Variants in IQSEC1 observed in about 807,000 individuals in gnomAD.
The protein encoded by IQSEC1 is IQ motif and Sec7 domain ArfGEF 1.
IQSEC1 carries 31 observed loss-of-function variants against 91.0 expected under a neutral mutation model. The observed-to-expected ratio is 0.34, with a 90% CI of 0.26 to 0.46. The LOEUF (loss-of-function observed/expected upper bound fraction) is 0.46. IQSEC1 is among the 20% of genes least tolerant of loss of function. The probability of loss-of-function intolerance (pLI) is 1.00; values close to 1 mark genes in which losing one functional copy is unlikely to be tolerated. For synonymous variants in IQSEC1, 699 were observed against 662.6 expected (o/e 1.05, Z -0.84); for missense variants, 1,388 against 1,575.6 (o/e 0.88, Z 2.02).
At chr3:12,982,758 T>C (rs964240786) in intron 1 of IQSEC1, among the ~76,000 whole-genome samples, 1 of 152,212 alleles carries the variant, frequency 6.6e-6, no homozygotes, top group African/African-American at 2.4e-5. Flanking sequence ...CCCCTAGTAC[T>C]GACAGGAAAG....
At chr3:13,078,172 A>T (rs751548879), upstream of IQSEC1, among the ~76,000 whole-genome samples, 5 of 152,182 alleles carry the variant, frequency 3.3e-5, no homozygotes, top group Non-Finnish European at 7.4e-5. Flanking sequence ...TGCAGGACTC[A>T]AGAGTCCTGC....
intron 1 of IQSEC1, among the ~76,000 whole-genome samples, chr3:13,181,812 A>G (rs1383810730): frequency 6.6e-6 from 1 of 152,264 alleles, no homozygotes; most frequent in Non-Finnish European, 1.5e-5. Context: ...CTTTAAAATG[A>G]AATCTATAAT....
intron 1 of IQSEC1, among the ~76,000 whole-genome samples, chr3:13,212,932 T>C (rs1267978795): frequency 1.3e-5 from 2 of 152,246 alleles, no homozygotes; most frequent in Admixed American, 6.5e-5. Context: ...ATAAGAGCTC[T>C]TTATACATTC....
intron 2 of IQSEC1, among the ~76,000 whole-genome samples, chr3:13,162,722 T>C (rs1707199558): frequency 6.6e-6 from 1 of 152,166 alleles, no homozygotes; most frequent in African/African-American, 2.4e-5. Context: ...CACTTAATGG[T>C]ACATTCCAGA....
rs746663650 is a variant in IQSEC1, at chr3:12,920,532, T to C, written c.1918A>G (p.Ile640Val). Residue 640 changes from isoleucine (I) to valine (V), a missense_variant, in exon 6 of 14, where the codon ATC becomes GTC. Ile to Val is a conservative substitution (Grantham distance 29, BLOSUM62 3). This residue lies in a region of IQSEC1 where 1,059 missense variants were observed against 1,317.8 expected (regional missense o/e 0.80). Transcript: ENST00000613206. ...AGCAGGATGATGGCGAAGGCCAGGATGAAAATGGTGTCTGGGTTCCGGAAT... is the reference window on the plus strand; with the variant it reads ...AGCAGGATGATGGCGAAGGCCAGGACGAAAATGGTGTCTGGGTTCCGGAAT... Reference protein sequence around the residue: ...RQFRNPDTIFILAFAIILLNT... With the variant: ...RQFRNPDTIFVLAFAIILLNT... 1 of 1,614,158 alleles carries C rather than the reference T, an allele frequency of 6.2e-7. No homozygotes were observed. Among genetic ancestry groups the C allele is most frequent in the Admixed American group, 1.7e-5 (1 of 60,032 alleles).
chr3:13,174,190 G>A (rs1468455769), intron 1 of IQSEC1, among the ~76,000 whole-genome samples: 1 of 152,194 alleles, frequency 6.6e-6, no homozygotes, highest in Admixed American at 6.5e-5. Context: ...GTAAGAAGCA[G>A]GTGAGGGGAC....
At chr3:13,056,000 C>G (rs138932000) in intron 1 of IQSEC1, among the ~76,000 whole-genome samples, 1 of 151,936 alleles carries the variant, frequency 6.6e-6, no homozygotes, top group Non-Finnish European at 1.5e-5. Flanking sequence ...CTTCTGTGAC[C>G]CCCAAAGGCT....
At chr3:13,150,988 G>T (rs1250299781) in intron 2 of IQSEC1, among the ~76,000 whole-genome samples, 1 of 152,210 alleles carries the variant, frequency 6.6e-6, no homozygotes, top group Non-Finnish European at 1.5e-5. Context: ...TCCCAGGGGG[G>T]CTGCCCTCAT....
chr3:13,222,555 C>T (rs1296048558), intron 1 of IQSEC1, among the ~76,000 whole-genome samples: 3 of 152,186 alleles, frequency 2.0e-5, no homozygotes, highest in Non-Finnish European at 2.9e-5. Context: ...CACACCGTTT[C>T]CCACGGCGGC....
intron 1 of IQSEC1, among the ~76,000 whole-genome samples, chr3:13,171,944 G>T (rs1318960527): frequency 6.6e-6 from 1 of 152,074 alleles, no homozygotes; most frequent in African/African-American, 2.4e-5. Context: ...GAGCTGAGGG[G>T]CAACCGGCAC....
intron 1 of IQSEC1, chr3:13,047,591 G>A (rs1704548455): frequency 1.2e-6 from 1 of 813,940 alleles, no homozygotes; most frequent in Non-Finnish European, 1.5e-6. Context: ...TGGGGGCCAT[G>A]TCCACTCAGG....
intron 1 of IQSEC1, among the ~76,000 whole-genome samples, chr3:12,988,026 G>C (rs745859300): frequency 3.9e-5 from 6 of 152,232 alleles, no homozygotes; most frequent in Non-Finnish European, 5.9e-5. Context: ...ACAGGTTCAA[G>C]AGCAACAGCC....
chr3:13,263,521 C>T (rs1444454058), intron 1 of IQSEC1, among the ~76,000 whole-genome samples: 1 of 151,346 alleles, frequency 6.6e-6, no homozygotes, highest in African/African-American at 2.4e-5. Flanking sequence ...CCACTCACTG[C>T]AACCTCCACC....
At chr3:12,901,901 G>T (rs1412296430) in intron 13 of IQSEC1, among the ~76,000 whole-genome samples, 2 of 152,114 alleles carry the variant, frequency 1.3e-5, no homozygotes, top group Non-Finnish European at 2.9e-5. Context: ...AGTGCAGAGG[G>T]GCTGATGTGC....
chr3:13,079,214 G>A (rs1026769267), intron 2 of IQSEC1, among the ~76,000 whole-genome samples: 1 of 152,196 alleles, frequency 6.6e-6, no homozygotes, highest in African/African-American at 2.4e-5. Flanking sequence ...GGCAAGCATA[G>A]GCCACTGGCT....
At chr3:13,218,071 C>T (rs1311597431) in intron 1 of IQSEC1, among the ~76,000 whole-genome samples, 2 of 152,242 alleles carry the variant, frequency 1.3e-5, no homozygotes, top group African/African-American at 4.8e-5. Flanking sequence ...TCCGAGGCCC[C>T]CTGGCAGCTC....
Position 12,917,772 on chromosome 3 carries a change from C to T in IQSEC1, c.2021-2039G>A, listed in dbSNP as rs114786213. Among the ~76,000 whole-genome samples the T allele has an allele frequency of 4.6e-3, 704 of 152,340 alleles. 12 individuals are homozygous for T. Among genetic ancestry groups the T allele is most frequent in the African/African-American group, 0.016 (659 of 41,582 alleles). ...GGGTAAATATCAAGGAGCACAACTG[C>T]TGGATCATATTACTTTCTGGCTTTC... is the stretch of plus-strand genomic sequence containing the variant. On this transcript the variant is annotated intron_variant, in intron 6 of 13. Coordinates refer to ENST00000613206, the MANE Select transcript of IQSEC1 (RefSeq NM_001134382.3).
chr3:13,112,216 C>T (rs1706258397), intron 2 of IQSEC1, among the ~76,000 whole-genome samples: 1 of 152,244 alleles, frequency 6.6e-6, no homozygotes, highest in African/African-American at 2.4e-5. Context: ...CTGGCCCCTG[C>T]TCTAAGTTCA....
rs1010525785 is a variant in IQSEC1 at position 13,282,217 on chromosome 3, A to G, written c.272+494T>C. On this transcript the variant is annotated intron_variant, in intron 1 of 15. Coordinates refer to the IQSEC1 transcript ENST00000648114. This position sits in a 1 kb window ranked among gnomAD's most constrained non-coding sequence, Gnocchi z 6.4. The stretch of plus-strand genomic sequence containing the variant: ...GGGCTCTGCGCGTCCCGGACTGGAC[A>G]CAGCGCAGAGTCCATTCCAGGGACA... Among the ~76,000 whole-genome samples the G allele has an allele frequency of 6.6e-6, 1 of 152,202 alleles. No homozygotes were observed. Among genetic ancestry groups the G allele is most frequent in the African/African-American group, 2.4e-5 (1 of 41,458 alleles).
Sources: allele counts gnomAD v4.1 joint callset (sites outside exome capture counted in the v4.1 genomes callset), GRCh38; gene constraint gnomAD v4.1.1; regional missense constraint gnomAD v4.1.1; non-coding constraint Gnocchi (gnomAD v3.1); transcripts MANE v1.5; gene names NCBI Gene and HGNC (gene_info 2026-07-23, HGNC 2026-07-21).